DDAH1: variants seen among roughly 807,000 people sequenced by gnomAD.
DDAH1 encodes N(G),N(G)-dimethylarginine dimethylaminohydrolase 1.
A neutral mutation model predicts 28.8 loss-of-function variants in DDAH1; 19 were observed. That is an observed-to-expected ratio of 0.66 (90% CI 0.46 to 0.97). The LOEUF is 0.97. Among genes scored for constraint, DDAH1 ranks in the 50% least tolerant of loss-of-function variants. The pLI, the probability that DDAH1 is intolerant of heterozygous loss-of-function variation, is 0.00. For synonymous variants in DDAH1, 153 were observed against 154.4 expected (o/e 0.99, Z 0.07); for missense variants, 326 against 375.9 (o/e 0.87, Z 1.10).
chr1:85,509,744 T>G (rs1337785076), intron 1 of DDAH1, among the ~76,000 whole-genome samples: 1 of 152,056 alleles, frequency 6.6e-6, no homozygotes. Flanking sequence ...TATCAGTGGT[T>G]GCAAATCAAA....
intron 1 of DDAH1, among the ~76,000 whole-genome samples, chr1:85,438,362 A>C (rs1654035240): frequency 6.6e-6 from 1 of 152,220 alleles, no homozygotes; most frequent in African/African-American, 2.4e-5. Flanking sequence ...GGCTCCTTAA[A>C]ATGGCTCTTT....
At chr1:85,532,082 G>C (rs559553874) in intron 1 of DDAH1, among the ~76,000 whole-genome samples, 2 of 150,690 alleles carry the variant, frequency 1.3e-5, no homozygotes, top group East Asian at 4.0e-4. Context: ...ACTTCCTCCC[G>C]TTGATCCAGG....
At chr1:85,546,662 A>G (rs1478823235) in intron 1 of DDAH1, among the ~76,000 whole-genome samples, 1 of 152,146 alleles carries the variant, frequency 6.6e-6, no homozygotes, top group Non-Finnish European at 1.5e-5. Flanking sequence ...AAAAATCTAA[A>G]TATGATATTA....
intron 1 of DDAH1, among the ~76,000 whole-genome samples, chr1:85,565,065 G>A (rs1259423295): frequency 6.6e-6 from 1 of 151,298 alleles, no homozygotes; most frequent in Non-Finnish European, 1.5e-5. Context: ...AGTTGAGTGT[G>A]GTGGCACACA....
chr1:85,353,706 AATTT>A (rs1416233608), intron 2 of DDAH1, among the ~76,000 whole-genome samples: 3 of 152,158 alleles, frequency 2.0e-5, no homozygotes, highest in Non-Finnish European at 2.9e-5. Context: ...TTTATAAATT[AATTT>A]ATTTATAACT....
chr1:85,366,581 TA>T (rs1312650555), intron 1 of DDAH1, among the ~76,000 whole-genome samples: 2 of 152,282 alleles, frequency 1.3e-5, no homozygotes, highest in East Asian at 3.9e-4. Flanking sequence ...TTGGCATTCA[TA>T]AATATGACTC....
chr1:85,562,510 T>C (rs1659169783), intron 1 of DDAH1, among the ~76,000 whole-genome samples: 1 of 152,184 alleles, frequency 6.6e-6, no homozygotes. Flanking sequence ...TGTTTACAGA[T>C]GTAACAAAGT....
At chr1:85,558,453 G>C (rs1471039610) in intron 1 of DDAH1, among the ~76,000 whole-genome samples, 1 of 152,228 alleles carries the variant, frequency 6.6e-6, no homozygotes, top group Non-Finnish European at 1.5e-5. Flanking sequence ...ACTTTTGCAA[G>C]TTCCATTAGG....
At chr1:85,528,708 G>A (rs1471864852) in intron 1 of DDAH1, among the ~76,000 whole-genome samples, 3 of 152,014 alleles carry the variant, frequency 2.0e-5, no homozygotes, top group Non-Finnish European at 1.5e-5. Flanking sequence ...AGATAATGAG[G>A]CTCATGCCTG....
intron 1 of DDAH1, among the ~76,000 whole-genome samples, chr1:85,368,113 C>CA (rs1479663745): frequency 6.6e-6 from 1 of 152,082 alleles, no homozygotes; most frequent in Non-Finnish European, 1.5e-5. Flanking sequence ...TAACCACTTA[C>CA]AACACTAAGA....
intron 1 of DDAH1, among the ~76,000 whole-genome samples, chr1:85,394,073 T>G (rs1458161187): frequency 6.6e-6 from 1 of 152,214 alleles, no homozygotes; most frequent in Non-Finnish European, 1.5e-5. Context: ...ATATAATATT[T>G]CATCAGAAAA....
At chr1:85,537,191 G>T (rs1451301083) in intron 1 of DDAH1, among the ~76,000 whole-genome samples, 1 of 151,418 alleles carries the variant, frequency 6.6e-6, no homozygotes, top group East Asian at 1.9e-4. Flanking sequence ...AAAATTAGCT[G>T]GGCATGGTGA....
intron 1 of DDAH1, among the ~76,000 whole-genome samples, chr1:85,403,341 A>G (rs1490600776): frequency 5.9e-5 from 9 of 152,122 alleles, no homozygotes; most frequent in Admixed American, 5.9e-4. Flanking sequence ...TCCAAAGAAA[A>G]AAAAATCTGA....
rs141292259 is a variant in DDAH1, at chr1:85,438,557, T to C, written c.303+26186A>G. On this transcript the variant is annotated intron_variant, in intron 1 of 5. Coordinates refer to ENST00000284031, the MANE Select transcript of DDAH1 (RefSeq NM_012137.4). ...GTGAAAGTTGATGCACTGACCCCTG[T>C]GCTGTTCAAGGGTCAACTGTATTCT... Among the ~76,000 whole-genome samples, 873 of 152,332 alleles carry C rather than the reference T, an allele frequency of 5.7e-3. 7 individuals are homozygous for C. The highest frequency in any genetic ancestry group is 0.02 in the African/African-American group (832 of 41,570).
intron 1 of DDAH1, among the ~76,000 whole-genome samples, chr1:85,534,106 T>C (rs1209645439): frequency 6.6e-6 from 1 of 152,146 alleles, no homozygotes; most frequent in Non-Finnish European, 1.5e-5. Context: ...AAGAAAAACT[T>C]ACTCTTAGAA....
At chr1:85,528,791 C>A (rs2737813) in intron 1 of DDAH1, among the ~76,000 whole-genome samples, 1 of 152,094 alleles carries the variant, frequency 6.6e-6, no homozygotes, top group Non-Finnish European at 1.5e-5. Context: ...CTGACCAATA[C>A]GGTGAAACCC....
intron 1 of DDAH1, among the ~76,000 whole-genome samples, chr1:85,410,937 G>A (rs1189161542): frequency 1.3e-5 from 2 of 152,198 alleles, no homozygotes; most frequent in Non-Finnish European, 2.9e-5. Context: ...GTGTGGGAAA[G>A]AGGGAGGGAG....
chr1:85,496,282 C>T lies in DDAH1; in HGVS notation c.-122-1G>A. 1 of 928,754 alleles carries T rather than the reference C, an allele frequency of 1.1e-6. No individual in the cohort carries two copies. The highest frequency in any genetic ancestry group is 1.8e-5 in the African/African-American group (1 of 56,202). The allele number at this position is 928,754 out of a possible 1,614,324, so 57.5% of individuals were successfully genotyped here. A position where few individuals can be genotyped will look rare whatever the true frequency, so the allele number is the denominator to read the frequency against. Reference sequence around the variant, plus strand: ...GAGCTCCTTTTCCATACAGATGAAACTGCAAATGGAGAAATATGGAAGCAG... The same window carrying T: ...GAGCTCCTTTTCCATACAGATGAAATTGCAAATGGAGAAATATGGAAGCAG... On this transcript the variant is annotated splice_acceptor_variant, in intron 1 of 6. Transcript: ENST00000426972. LOFTEE classifies it low-confidence loss of function (5UTR_SPLICE).
chr1:85,525,831 CA>C (rs1327000207), intron 1 of DDAH1, among the ~76,000 whole-genome samples: 2 of 152,262 alleles, frequency 1.3e-5, no homozygotes, highest in East Asian at 3.9e-4. Context: ...CATCTTGAGT[CA>C]GCAGTGGATA....
Sources: allele counts gnomAD v4.1 joint callset (sites outside exome capture counted in the v4.1 genomes callset), GRCh38; gene constraint gnomAD v4.1.1; transcripts MANE v1.5; gene names NCBI Gene and HGNC (gene_info 2026-07-23, HGNC 2026-07-21).